Variants in NDUFA8 observed in about 807,000 individuals in gnomAD.
NDUFA8 encodes NADH dehydrogenase [ubiquinone] 1 alpha subcomplex subunit 8.
In NDUFA8, 16 loss-of-function variants were observed where a neutral mutation model predicts 20.9. The ratio of observed to expected loss-of-function variants is 0.77; its 90% CI spans 0.52 to 1.16. NDUFA8 has a LOEUF of 1.16. Ranked by LOEUF, NDUFA8 falls within the 50% of genes most tolerant of loss-of-function variation. The pLI is 0.00. For synonymous variants in NDUFA8, 70 were observed against 76.1 expected, an observed-to-expected ratio of 0.92 and a Z score of 0.41; for missense variants, 202 against 216.4, an observed-to-expected ratio of 0.93 and a Z score of 0.42.
the NDUFA8 span, among the ~76,000 whole-genome samples, chr9:122,136,169 CTCTT>C: frequency 2.0e-5 from 3 of 152,178 alleles, no homozygotes; most frequent in Non-Finnish European, 4.4e-5. Flanking sequence ...TTCTCTCTCT[CTCTT>C]CACTTTTTAC....
downstream of NDUFA8, among the ~76,000 whole-genome samples, chr9:122,142,255 G>A (rs1352541972): frequency 5.3e-5 from 8 of 152,288 alleles, no homozygotes; most frequent in Admixed American, 1.3e-4. Context: ...AGGGGCTTTG[G>A]AATCAGATGT....
intron 1 of NDUFA8, 67 bp from the exon 2 acceptor site, chr9:122,152,475 C>T (rs1829018288): frequency 1.3e-6 from 2 of 1,502,234 alleles, no homozygotes; most frequent in Non-Finnish European, 1.8e-6. Flanking sequence ...TCAGCTTTAC[C>T]TCATGCGGGT....
chr9:122,139,378 A>AC (rs1206497389), downstream of NDUFA8, among the ~76,000 whole-genome samples: 1 of 151,848 alleles, frequency 6.6e-6, no homozygotes, highest in Non-Finnish European at 1.5e-5. Flanking sequence ...TATTATATTA[A>AC]CCCTGTTTGG....
chr9:122,147,878 G>C (rs1011663662), intron 3 of NDUFA8, among the ~76,000 whole-genome samples: 1 of 151,992 alleles, frequency 6.6e-6, no homozygotes, highest in African/African-American at 2.4e-5. Flanking sequence ...TGCCCACCTC[G>C]GCCTCCCAAA....
intron 3 of NDUFA8, among the ~76,000 whole-genome samples, chr9:122,144,833 A>G (rs929183920): frequency 6.6e-6 from 1 of 152,180 alleles, no homozygotes; most frequent in Non-Finnish European, 1.5e-5. Context: ...TCAGAAAGGC[A>G]AGGGAGGAAA....
chr9:122,159,774 G>C lies in NDUFA8; in HGVS notation c.-97C>G, dbSNP rs754251008. 14 of 1,571,044 alleles carry C rather than the reference G, an allele frequency of 8.9e-6. No homozygotes were observed. The African/African-American group carries it at 1.9e-4, about 21-fold the overall frequency. On this transcript the variant is annotated 5_prime_UTR_variant, in exon 1 of 4. Coordinates refer to ENST00000373768, the MANE Select transcript of NDUFA8 (RefSeq NM_014222.3). ...GACCGCCGAGTGCCACACGGCGCCT[G>C]CGCATGCGCATCCGGCAACACGCAG...
At chr9:122,141,306 G>A (rs935645225), downstream of NDUFA8, among the ~76,000 whole-genome samples, 3 of 152,150 alleles carry the variant, frequency 2.0e-5, no homozygotes, top group African/African-American at 7.2e-5. Context: ...AGAGGCACGT[G>A]GAGCAAACTT....
At chr9:122,140,933 C>A (rs1828809896), downstream of NDUFA8, among the ~76,000 whole-genome samples, 1 of 152,178 alleles carries the variant, frequency 6.6e-6, no homozygotes. Flanking sequence ...CTCTAGAGCC[C>A]TCATGCCCAA....
intron 1 of NDUFA8, among the ~76,000 whole-genome samples, chr9:122,154,121 A>T (rs1279557991): frequency 6.6e-6 from 1 of 152,202 alleles, no homozygotes; most frequent in African/African-American, 2.4e-5. Flanking sequence ...TCCCAGAGGG[A>T]AGGGATTTTG....
chr9:122,152,483 G>T lies in NDUFA8; in HGVS notation c.52-75C>A, dbSNP rs4147655. On this transcript the variant is annotated intron_variant, in intron 1 of 3. Transcript: ENST00000373768. Reference sequence around the variant, plus strand: ...CACTTTCTCAGCTTTACCTCATGCGGGTCAGAATAGAGAACACAAAAGTAG... The same window carrying T: ...CACTTTCTCAGCTTTACCTCATGCGTGTCAGAATAGAGAACACAAAAGTAG... 2,333 of 1,421,122 alleles carry T rather than the reference G, an allele frequency of 1.6e-3. 38 individuals are homozygous for T. The South Asian group carries it at 0.017, about 10-fold the overall frequency. 88.0% of individuals were successfully genotyped at this position (1,421,122 alleles called of 1,614,324 possible).
chr9:122,158,777 T>TTG (rs1327675198), intron 1 of NDUFA8, among the ~76,000 whole-genome samples: 51 of 146,850 alleles, frequency 3.5e-4, no homozygotes, highest in African/African-American at 1.2e-3. Flanking sequence ...TACACACCAA[T>TTG]TGTGTGTGTG....
the NDUFA8 span, among the ~76,000 whole-genome samples, chr9:122,137,238 CTTT>C: frequency 4.7e-5 from 5 of 106,586 alleles, no homozygotes; most frequent in South Asian, 3.3e-4. Flanking sequence ...TTTTCCTTTC[CTTT>C]TTTTTTTTTT....
downstream of NDUFA8, among the ~76,000 whole-genome samples, chr9:122,143,021 CAA>C (rs1828844528): frequency 6.6e-6 from 1 of 152,288 alleles, no homozygotes; most frequent in South Asian, 2.1e-4. Flanking sequence ...TGGAAGCATC[CAA>C]AATGCTTCCG....
intron 1 of NDUFA8, among the ~76,000 whole-genome samples, chr9:122,156,678 C>T (rs992626304): frequency 1.3e-5 from 2 of 152,236 alleles, no homozygotes; most frequent in African/African-American, 2.4e-5. Flanking sequence ...GCTCTCCAAA[C>T]GGGCTCCTTT....
At chr9:122,150,945 C>CAAGATCACACCAT (rs1828985643) in intron 2 of NDUFA8, among the ~76,000 whole-genome samples, 1 of 122,462 alleles carries the variant, frequency 8.2e-6, no homozygotes, top group Non-Finnish European at 1.6e-5. Flanking sequence ...GCACTCCAGC[C>CAAGATCACACCAT]TGGGCAACAG....
At chr9:122,159,437 G>T (rs979038208) in intron 1 of NDUFA8, among the ~76,000 whole-genome samples, 190 bp downstream of exon 1, 1 of 152,192 alleles carries the variant, frequency 6.6e-6, no homozygotes, top group Non-Finnish European at 1.5e-5. Flanking sequence ...AGATGCGACA[G>T]GGTGGGGTAG....
At chr9:122,137,010 C>G in the NDUFA8 span, among the ~76,000 whole-genome samples, 1 of 152,080 alleles carries the variant, frequency 6.6e-6, no homozygotes, top group Non-Finnish European at 1.5e-5. Context: ...TTAATCTTCC[C>G]GATCCATTCC....
Position 122,152,301 on chromosome 9 carries a change from C to T in NDUFA8, c.159G>A (p.Pro53=), listed in dbSNP as rs1829013001. Residue 53 remains proline (P), a synonymous_variant, in exon 2 of 4, where the codon CCG becomes CCA. Transcript: ENST00000373768. Reference sequence around the variant, plus strand: ...GTTTGCCTTCCTCTAAACACCGCCTCGGATCTTTCTCTTCCCAGCGGCAGA... The same window carrying T: ...GTTTGCCTTCCTCTAAACACCGCCTTGGATCTTTCTCTTCCCAGCGGCAGA... ...FMLCRWEEKD[P]RRCLEEGKLV... 2.5e-6 allele frequency: 4 copies of T among 1,614,068 alleles called. No individual in the cohort carries two copies. In the African/African-American group the frequency reaches 4.0e-5, roughly 16 times the overall value.
downstream of NDUFA8, among the ~76,000 whole-genome samples, chr9:122,143,107 C>T (rs575243524): frequency 4.8e-4 from 73 of 152,230 alleles, no homozygotes; most frequent in African/African-American, 1.7e-3. Flanking sequence ...ACTGTCCTAG[C>T]ACGTCAGGCA....
Sources: allele counts gnomAD v4.1 joint callset (sites outside exome capture counted in the v4.1 genomes callset), GRCh38; gene constraint gnomAD v4.1.1; transcripts MANE v1.5; gene names NCBI Gene and HGNC (gene_info 2026-07-23, HGNC 2026-07-21).